LTBP1: variants seen among roughly 807,000 people sequenced by gnomAD.
LTBP1 encodes the protein latent transforming growth factor beta binding protein 1.
LTBP1 carries 129 observed loss-of-function variants against 207.6 expected under a neutral mutation model. That is an observed-to-expected ratio of 0.62 (90% CI 0.54 to 0.72). The LOEUF (loss-of-function observed/expected upper bound fraction) is 0.72. LTBP1 is among the 30% of genes least tolerant of loss of function. The pLI, the probability that LTBP1 is intolerant of heterozygous loss-of-function variation, is 0.00. For synonymous variants in LTBP1, 963 were observed against 833.7 expected, an observed-to-expected ratio of 1.16 and a Z score of -2.67; for missense variants, 2,281 against 2,217.2, an observed-to-expected ratio of 1.03 and a Z score of -0.58.
intron 2 of LTBP1, among the ~76,000 whole-genome samples, chr2:32,978,283 G>A (rs1682143354): frequency 6.6e-6 from 1 of 152,114 alleles, no homozygotes; most frequent in Non-Finnish European, 1.5e-5. Flanking sequence ...GGGCCTCCTT[G>A]TCTTGTTCCA....
intron 10 of LTBP1, among the ~76,000 whole-genome samples, chr2:33,246,478 C>T (rs995807177): frequency 5.3e-5 from 8 of 151,018 alleles, no homozygotes; most frequent in South Asian, 2.1e-4. Flanking sequence ...CACACGCACA[C>T]GCACACACAC....
chr2:33,259,402 G>GAGTT (rs2147924771), intron 12 of LTBP1, among the ~76,000 whole-genome samples, 186 bp from the exon 13 acceptor site: 1 of 152,140 alleles, frequency 6.6e-6, no homozygotes, highest in East Asian at 1.9e-4. Context: ...ACAGCACTGA[G>GAGTT]AGTTCTCTGT....
rs373233439 is a variant in LTBP1 at position 33,108,227 on chromosome 2, G to A, written c.864-2355G>A. Among the ~76,000 whole-genome samples, 13 of 152,066 alleles carry A rather than the reference G, an allele frequency of 8.5e-5. No individual in the cohort carries two copies. In the South Asian group the frequency reaches 1.3e-3, roughly 15 times the overall value. On this transcript the variant is annotated intron_variant, in intron 3 of 33. Coordinates refer to ENST00000404816, the MANE Select transcript of LTBP1 (RefSeq NM_206943.4). The stretch of plus-strand genomic sequence containing the variant: ...CGTGGCCTTGCTTCTGTCTCTGGGG[G>A]GCTGTGGGGCAGAGGGGCATCAGCC...
rs776686919 is a variant in LTBP1, at chr2:33,076,154, TCAC to T, written c.864-34425_864-34423del. Among the ~76,000 whole-genome samples, 11 of 152,308 alleles carry T rather than the reference TCAC, an allele frequency of 7.2e-5. No homozygotes were observed. In the Middle Eastern group the frequency reaches 0.01, roughly 141 times the overall value. On this transcript the variant is annotated intron_variant, in intron 3 of 33. Transcript: ENST00000404816. ...AGGTTTATTGAGCAGGATCGGGAGCTCACCAGGGAAAAATGTGACTTACGGAAG... is the reference window on the plus strand; with the variant it reads ...AGGTTTATTGAGCAGGATCGGGAGCTCAGGGAAAAATGTGACTTACGGAAG...
At position 33,293,248 on chromosome 2, in the gene LTBP1, C is replaced by T. The variant is rs764441651; in HGVS notation, c.3201C>T (p.Gly1067=). 1 of 1,614,022 alleles carries T rather than the reference C, an allele frequency of 6.2e-7. No individual in the cohort carries two copies. Among genetic ancestry groups the T allele is most frequent in the Non-Finnish European group, 8.5e-7 (1 of 1,179,974 alleles). The change falls in exon 20 of 34, where the codon GGC becomes GGT. Residue 1067 remains glycine (G), a synonymous_variant. Transcript: ENST00000404816. ...CCTACATGTGTTCATGCCACAAAGGCTATACCCGGACTCCGGACCACAAGC... is the reference window on the plus strand; with the variant it reads ...CCTACATGTGTTCATGCCACAAAGGTTATACCCGGACTCCGGACCACAAGC... ...EGSYMCSCHK[G]YTRTPDHKHC...
At chr2:33,381,985 C>T (rs2095219690) in intron 31 of LTBP1, among the ~76,000 whole-genome samples, 1 of 145,776 alleles carries the variant, frequency 6.9e-6, no homozygotes. Flanking sequence ...GTGTCTGGTG[C>T]GTAGGAACTT....
chr2:33,336,663 G>A (rs1048872465), intron 24 of LTBP1, among the ~76,000 whole-genome samples: 10 of 152,142 alleles, frequency 6.6e-5, no homozygotes, highest in South Asian at 4.1e-4. Flanking sequence ...TCTCTGGAGC[G>A]TCCTGGCAGC....
At chr2:33,217,676 C>T in intron 8 of LTBP1, 22 bp downstream of exon 8, 3 of 1,544,196 alleles carry the variant, frequency 1.9e-6, no homozygotes, top group Non-Finnish European at 2.7e-6. Flanking sequence ...TTCCTCACTC[C>T]TTTGCAGGTT....
At chr2:33,352,352 G>A (rs1262288454) in intron 26 of LTBP1, among the ~76,000 whole-genome samples, 5 of 151,994 alleles carry the variant, frequency 3.3e-5, no homozygotes, top group African/African-American at 4.8e-5. Context: ...GGCTGATCTC[G>A]AACTCCTGAC....
Position 32,985,208 on chromosome 2 carries a change from G to C in LTBP1, c.566-35701G>C, listed in dbSNP as rs57539430. Reference sequence around the variant, plus strand: ...CTTTTGAACAAGTGATGTCCCATTAGATCTTTATCAATTGGTGGGTTGGAA... The same window carrying C: ...CTTTTGAACAAGTGATGTCCCATTACATCTTTATCAATTGGTGGGTTGGAA... On this transcript the variant is annotated intron_variant, in intron 2 of 33. Coordinates refer to ENST00000404816, the MANE Select transcript of LTBP1 (RefSeq NM_206943.4). Among the ~76,000 whole-genome samples the C allele has an allele frequency of 2.8e-3, 422 of 152,262 alleles. 2 individuals carry two copies. Among genetic ancestry groups the C allele is most frequent in the African/African-American group, 9.7e-3 (401 of 41,552 alleles).
chr2:33,385,034 C>T (rs977056922), intron 31 of LTBP1, among the ~76,000 whole-genome samples: 6 of 152,176 alleles, frequency 3.9e-5, no homozygotes, highest in Non-Finnish European at 5.9e-5. Flanking sequence ...TAAGACATTT[C>T]TGATTTAGGC....
rs73924122 is a variant in LTBP1, at chr2:33,017,223, A to G, written c.566-3686A>G. 3.2e-3 allele frequency among the ~76,000 whole-genome samples: 483 copies of G among 152,350 alleles called. 1 individual carries two copies. Among genetic ancestry groups the G allele is most frequent in the African/African-American group, 0.011 (451 of 41,570 alleles). ...CTAAAATTGCAATAAAAATGGCAAGATAAAACACTTTTATCATAGCCAAGA... is the reference window on the plus strand; with the variant it reads ...CTAAAATTGCAATAAAAATGGCAAGGTAAAACACTTTTATCATAGCCAAGA... On this transcript the variant is annotated intron_variant, in intron 2 of 33. Coordinates refer to ENST00000404816, the MANE Select transcript of LTBP1 (RefSeq NM_206943.4).
chr2:33,084,900 G>T (rs1349501503), intron 3 of LTBP1, among the ~76,000 whole-genome samples: 5 of 152,138 alleles, frequency 3.3e-5, no homozygotes, highest in Non-Finnish European at 1.5e-5. Context: ...GCCTTTGGGG[G>T]TTGAATGATA....
chr2:33,309,580 A>T, intron 23 of LTBP1, 24 bp downstream of exon 23: 1 of 1,598,314 alleles, frequency 6.3e-7, no homozygotes, highest in Non-Finnish European at 8.5e-7. Context: ...TTTTTTCCCC[A>T]GTCATTATTT....
At chr2:33,089,031 C>T (rs1324872787) in intron 3 of LTBP1, among the ~76,000 whole-genome samples, 1 of 151,446 alleles carries the variant, frequency 6.6e-6, no homozygotes, top group African/African-American at 2.4e-5. Context: ...TGGCAGGTGC[C>T]TGTAATCCCA....
At chr2:33,014,630 T>A (rs1392860590) in intron 2 of LTBP1, among the ~76,000 whole-genome samples, 1 of 152,158 alleles carries the variant, frequency 6.6e-6, no homozygotes, top group Non-Finnish European at 1.5e-5. Context: ...CTGAGACAAG[T>A]TTTAAATATA....
At chr2:33,188,379 A>T (rs953673297) in intron 6 of LTBP1, among the ~76,000 whole-genome samples, 198 bp from the exon 7 acceptor site, 1 of 144,526 alleles carries the variant, frequency 6.9e-6, no homozygotes, top group Admixed American at 7.2e-5. Flanking sequence ...ATGAGCTGAG[A>T]TCGAGCCATT....
At chr2:33,312,186 G>C (rs1002525599) in intron 23 of LTBP1, among the ~76,000 whole-genome samples, 1 of 152,210 alleles carries the variant, frequency 6.6e-6, no homozygotes, top group Non-Finnish European at 1.5e-5. Context: ...ATTCTGTGGA[G>C]AGGTGTAGAT....
At chr2:33,116,057 T>C (rs911054741) in intron 4 of LTBP1, among the ~76,000 whole-genome samples, 1 of 152,206 alleles carries the variant, frequency 6.6e-6, no homozygotes, top group African/African-American at 2.4e-5. Flanking sequence ...CTAAGATAGA[T>C]TGTAGAGCTA....
Sources: allele counts gnomAD v4.1 joint callset (sites outside exome capture counted in the v4.1 genomes callset), GRCh38; gene constraint gnomAD v4.1.1; transcripts MANE v1.5; gene names NCBI Gene and HGNC (gene_info 2026-07-23, HGNC 2026-07-21).